CHN2: variants seen among roughly 807,000 people sequenced by gnomAD.
CHN2 encodes beta-chimaerin.
In CHN2, 35 loss-of-function variants were observed where a neutral mutation model predicts 56.3. The ratio of observed to expected loss-of-function variants is 0.62; its 90% CI spans 0.47 to 0.82. CHN2 has a LOEUF of 0.82. CHN2 is among the 40% of genes least tolerant of loss of function. The pLI, the probability that CHN2 is intolerant of heterozygous loss-of-function variation, is 0.00. For synonymous variants in CHN2, 210 were observed against 212.8 expected (o/e 0.99, Z 0.12); for missense variants, 491 against 580.5 (o/e 0.85, Z 1.58).
At chr7:29,371,762 C>T (rs533125771) in intron 3 of CHN2, among the ~76,000 whole-genome samples, 6 of 152,310 alleles carry the variant, frequency 3.9e-5, no homozygotes, top group African/African-American at 1.4e-4. Context: ...CACCTAACTT[C>T]AGAAACCTGT....
At chr7:29,344,632 A>G (rs1797285346) in intron 1 of CHN2, among the ~76,000 whole-genome samples, 1 of 152,120 alleles carries the variant, frequency 6.6e-6, no homozygotes, top group South Asian at 2.1e-4. Context: ...CTTCTGCAGT[A>G]GATGTCCAGG....
intron 6 of CHN2, among the ~76,000 whole-genome samples, chr7:29,408,053 T>C (rs2128093653): frequency 6.6e-6 from 1 of 151,900 alleles, no homozygotes; most frequent in African/African-American, 2.4e-5. Context: ...AGCCAGGCAC[T>C]GTGGCACATG....
intron 1 of CHN2, among the ~76,000 whole-genome samples, chr7:29,255,657 G>A (rs910676130): frequency 6.6e-6 from 1 of 152,230 alleles, no homozygotes; most frequent in Non-Finnish European, 1.5e-5. Flanking sequence ...AAGACGGCAA[G>A]CTGGGTGACT....
At position 29,252,585 on chromosome 7, in the gene CHN2, T is replaced by TTTTTTTTTTTGTTTTG. The variant is rs1788686646; in HGVS notation, c.49+57605_49+57606insGTTTTGTTTTTTTTTT. 8.7e-5 allele frequency among the ~76,000 whole-genome samples: 2 copies of TTTTTTTTTTTGTTTTG among 23,092 alleles called. 1 individual carries two copies. Among genetic ancestry groups the TTTTTTTTTTTGTTTTG allele is most frequent in the African/African-American group, 8.5e-4 (2 of 2,348 alleles). The allele number at this position is 23,092 out of a possible 152,430, so 15.1% of individuals were successfully genotyped here. A position where few individuals can be genotyped will look rare whatever the true frequency, so the allele number is the denominator to read the frequency against. The stretch of plus-strand genomic sequence containing the variant: ...TCTAAAATTGCATTCTTTGTTTTTT[T>TTTTTTTTTTTGTTTTG]TTTTTTTTTTTTTTTTTTTTTGAGA... On this transcript the variant is annotated intron_variant, in intron 1 of 12. Coordinates refer to ENST00000222792, the MANE Select transcript of CHN2 (RefSeq NM_004067.4).
chr7:29,312,250 C>T (rs1275217056), intron 1 of CHN2, among the ~76,000 whole-genome samples: 1 of 152,042 alleles, frequency 6.6e-6, no homozygotes, highest in African/African-American at 2.4e-5. Flanking sequence ...TTCTGCTTTG[C>T]TCCACCTGTT....
chr7:29,244,323 G>T (rs1271746156), intron 1 of CHN2, among the ~76,000 whole-genome samples: 1 of 152,146 alleles, frequency 6.6e-6, no homozygotes, highest in Non-Finnish European at 1.5e-5. Context: ...AGACCATGAA[G>T]CATACAATCC....
intron 7 of CHN2, among the ~76,000 whole-genome samples, chr7:29,491,066 G>T (rs1788610623): frequency 6.6e-6 from 1 of 152,056 alleles, no homozygotes; most frequent in African/African-American, 2.4e-5. Context: ...TCATATAAAA[G>T]CTCAAAATTA....
chr7:29,230,989 G>A (rs1786654525), intron 1 of CHN2, among the ~76,000 whole-genome samples: 1 of 152,140 alleles, frequency 6.6e-6, no homozygotes, highest in Non-Finnish European at 1.5e-5. Context: ...TTGCAGATGT[G>A]GTACAGCAAG....
chr7:29,277,610 G>A (rs568252647), intron 1 of CHN2, among the ~76,000 whole-genome samples: 32 of 152,214 alleles, frequency 2.1e-4, no homozygotes, highest in Admixed American at 7.2e-4. Flanking sequence ...AGTGGGCAGA[G>A]TTTAGCAGTG....
intron 12 of CHN2, chr7:29,509,668 C>T (rs935910954): frequency 4.0e-6 from 1 of 249,312 alleles, no homozygotes; most frequent in Non-Finnish European, 7.9e-6. Flanking sequence ...CACGGTGAAA[C>T]CCTGTCTCTA....
intron 6 of CHN2, among the ~76,000 whole-genome samples, chr7:29,442,510 T>G (rs1451491618): frequency 1.3e-5 from 2 of 152,168 alleles, no homozygotes; most frequent in Admixed American, 6.5e-5. Flanking sequence ...CTCTTTCAGT[T>G]CCAGACTGTA....
At chr7:29,339,584 G>A (rs1309683795) in intron 1 of CHN2, among the ~76,000 whole-genome samples, 1 of 152,158 alleles carries the variant, frequency 6.6e-6, no homozygotes, top group African/African-American at 2.4e-5. Context: ...CGGGCACGGT[G>A]GCTCACGCCT....
intron 2 of CHN2, among the ~76,000 whole-genome samples, chr7:29,172,475 T>A (rs1345468758): frequency 6.6e-6 from 1 of 152,156 alleles, no homozygotes; most frequent in African/African-American, 2.4e-5. Flanking sequence ...CCAAAAAAAA[T>A]TATTAAAAAT....
chr7:29,376,440 C>T (rs1432386609), intron 3 of CHN2: 3 of 152,154 alleles, frequency 2.0e-5, no homozygotes, highest in Non-Finnish European at 4.4e-5. Context: ...GAGTGTGATC[C>T]CAGCATCAGC....
intron 10 of CHN2, 73 bp downstream of exon 10, chr7:29,504,894 A>G: frequency 1.9e-6 from 2 of 1,052,212 alleles, no homozygotes; most frequent in Non-Finnish European, 2.9e-6. Context: ...TTTTAATCAT[A>G]GTAGAAATGG....
intron 1 of CHN2, among the ~76,000 whole-genome samples, chr7:29,332,259 T>G (rs1034009900): frequency 6.6e-6 from 1 of 152,106 alleles, no homozygotes. Context: ...TTTGCTCTCT[T>G]TTAAAGTAGG....
intron 1 of CHN2, among the ~76,000 whole-genome samples, chr7:29,264,022 G>C (rs1372986257): frequency 6.7e-6 from 1 of 149,546 alleles, no homozygotes; most frequent in Non-Finnish European, 1.5e-5. Flanking sequence ...CTGGGGGGCA[G>C]GCCCCGGGTG....
chr7:29,419,952 C>T (rs182499721), intron 6 of CHN2, among the ~76,000 whole-genome samples: 3 of 151,486 alleles, frequency 2.0e-5, no homozygotes, highest in Non-Finnish European at 4.4e-5. Flanking sequence ...CCCAGCTACT[C>T]GGGAGGCCGA....
At position 29,508,415 on chromosome 7, in the gene CHN2, A is replaced by AT. The variant is rs1240803091; in HGVS notation, c.1130-883dup. Among the ~76,000 whole-genome samples the AT allele has an allele frequency of 6.9e-5, 5 of 72,082 alleles. No homozygotes were observed. In the East Asian group the frequency reaches 7.3e-4, roughly 10 times the overall value. 47.3% of individuals were successfully genotyped at this position (72,082 alleles called of 152,430 possible). On this transcript the variant is annotated intron_variant, in intron 11 of 12. Transcript: ENST00000222792. ...GCTTGTTGTTGTTGTTGTTGTTTTT[A>AT]TTTAAAAAAAAAAAAAAAACCTTTA...
Sources: allele counts gnomAD v4.1 joint callset (sites outside exome capture counted in the v4.1 genomes callset), GRCh38; gene constraint gnomAD v4.1.1; transcripts MANE v1.5; gene names NCBI Gene and HGNC (gene_info 2026-07-23, HGNC 2026-07-21).